The following IL7 variants were observed in gnomAD, a reference collection of about 807,000 sequenced individuals.
IL7 encodes interleukin 7.
Under a neutral mutation model 21.6 loss-of-function variants are expected in IL7, and 3 were observed. The ratio of observed to expected loss-of-function variants is 0.14; its 90% CI spans 0.06 to 0.36. The LOEUF (loss-of-function observed/expected upper bound fraction) is 0.36. Among genes scored for constraint, IL7 ranks in the 10% least tolerant of loss-of-function variants. The pLI, the probability that IL7 is intolerant of heterozygous loss-of-function variation, is 1.00. For missense variants in IL7, 175 were observed against 200.2 expected (o/e 0.87, Z 0.76); for synonymous variants, 62 against 68.1 (o/e 0.91, Z 0.44).
intron 3 of IL7, among the ~76,000 whole-genome samples, chr8:78,697,196 T>C (rs1211776975): frequency 6.6e-6 from 1 of 152,246 alleles, no homozygotes; most frequent in Non-Finnish European, 1.5e-5. Flanking sequence ...CTTTACCATC[T>C]TAATCGTTTT....
chr8:78,692,246 G>GTA (rs1810235248), intron 3 of IL7, among the ~76,000 whole-genome samples: 1 of 152,088 alleles, frequency 6.6e-6, no homozygotes, highest in Admixed American at 6.6e-5. Context: ...CTGCTGCTTA[G>GTA]AGTTCCATTG....
At chr8:78,761,614 T>C in intron 2 of IL7, 2 of 1,611,984 alleles carry the variant, frequency 1.2e-6, no homozygotes, top group Non-Finnish European at 1.7e-6. Flanking sequence ...GCTCTTCCCC[T>C]GCTATGTCCA....
At chr8:78,792,546 A>T (rs1813730508) in intron 2 of IL7, among the ~76,000 whole-genome samples, 1 of 152,164 alleles carries the variant, frequency 6.6e-6, no homozygotes, top group Non-Finnish European at 1.5e-5. Context: ...TCCAGAGCAT[A>T]TAAAGAACTC....
At chr8:78,692,321 C>T (rs1289660759) in intron 3 of IL7, among the ~76,000 whole-genome samples, 1 of 152,114 alleles carries the variant, frequency 6.6e-6, no homozygotes, top group Admixed American at 6.5e-5. Context: ...CTTAATTTCT[C>T]CAATTCCAAT....
At chr8:78,712,390 T>C (rs148921938) in intron 3 of IL7, among the ~76,000 whole-genome samples, 3,259 of 152,046 alleles carry the variant, frequency 0.021, 121 homozygotes, top group African/African-American at 0.068. Context: ...TTTTATGAAG[T>C]TTTTTTTAGT....
rs796939610 is a variant in IL7 at position 78,749,492 on chromosome 8, A to T, written c.148-9410T>A. On this transcript the variant is annotated intron_variant, in intron 2 of 5. Transcript: ENST00000263851. ...AGTTGGAGAGAAAGAGAGGATCCCC[A>T]AATTAGAGAAACAGATAGAACCACA... 1.2e-4 allele frequency among the ~76,000 whole-genome samples: 19 copies of T among 152,290 alleles called. 1 individual carries two copies. Among genetic ancestry groups the T allele is most frequent in the African/African-American group, 4.6e-4 (19 of 41,564 alleles).
At chr8:78,705,973 G>C (rs1260755468) in intron 3 of IL7, among the ~76,000 whole-genome samples, 1 of 152,162 alleles carries the variant, frequency 6.6e-6, no homozygotes, top group Non-Finnish European at 1.5e-5. Flanking sequence ...CCAGTTGTGA[G>C]GTCCTGCTCT....
At chr8:78,741,668 G>A (rs1215070410) in intron 2 of IL7, among the ~76,000 whole-genome samples, 3 of 152,144 alleles carry the variant, frequency 2.0e-5, no homozygotes, top group East Asian at 1.9e-4. Flanking sequence ...GAAAGATAAT[G>A]TTATACCAGT....
chr8:78,692,131 A>G (rs1323640167), intron 3 of IL7, among the ~76,000 whole-genome samples: 1 of 152,202 alleles, frequency 6.6e-6, no homozygotes, highest in South Asian at 2.1e-4. Context: ...ATATCTCAAA[A>G]TAAAAACCAC....
intron 4 of IL7, among the ~76,000 whole-genome samples, chr8:78,685,562 A>G (rs1809942498): frequency 6.6e-6 from 1 of 152,222 alleles, no homozygotes; most frequent in African/African-American, 2.4e-5. Flanking sequence ...CAATTACTAG[A>G]AATTATTACA....
chr8:78,782,660 G>A (rs938525677), intron 2 of IL7, among the ~76,000 whole-genome samples: 11 of 152,064 alleles, frequency 7.2e-5, no homozygotes, highest in African/African-American at 2.7e-4. Context: ...AAGGTATCTG[G>A]TGACCCCTGT....
intron 3 of IL7, among the ~76,000 whole-genome samples, chr8:78,723,296 G>A (rs913184973): frequency 2.0e-5 from 3 of 151,692 alleles, no homozygotes; most frequent in African/African-American, 7.3e-5. Flanking sequence ...AGTGACTATT[G>A]TGTGACACTG....
downstream of IL7, among the ~76,000 whole-genome samples, chr8:78,716,603 T>C (rs1389931040): frequency 6.6e-6 from 1 of 152,210 alleles, no homozygotes; most frequent in Admixed American, 6.5e-5. Flanking sequence ...GATCTCTATC[T>C]TTCCTCATGG....
intron 4 of IL7, among the ~76,000 whole-genome samples, chr8:78,738,069 G>T (rs889729831): frequency 1.3e-5 from 2 of 152,106 alleles, no homozygotes; most frequent in African/African-American, 4.8e-5. Context: ...AGGGAAAATT[G>T]TTGGACATGT....
At chr8:78,791,680 G>T (rs1376765588) in intron 2 of IL7, among the ~76,000 whole-genome samples, 1 of 151,986 alleles carries the variant, frequency 6.6e-6, no homozygotes, top group South Asian at 2.1e-4. Context: ...ATTATCATGT[G>T]CTCTTACCAA....
At chr8:78,705,345 T>C (rs1365241575) in intron 3 of IL7, among the ~76,000 whole-genome samples, 1 of 152,210 alleles carries the variant, frequency 6.6e-6, no homozygotes, top group Non-Finnish European at 1.5e-5. Flanking sequence ...TGCTTGTGTA[T>C]GCTGGGTGTC....
At chr8:78,732,606 T>C (rs1231080082), downstream of IL7, among the ~76,000 whole-genome samples, 1 of 152,164 alleles carries the variant, frequency 6.6e-6, no homozygotes, top group Admixed American at 6.6e-5. Flanking sequence ...CAAGTTTCTT[T>C]TAAAAGACTA....
At chr8:78,745,867 C>G (rs1447417190) in intron 2 of IL7, among the ~76,000 whole-genome samples, 1 of 152,170 alleles carries the variant, frequency 6.6e-6, no homozygotes, top group Non-Finnish European at 1.5e-5. Flanking sequence ...CTTCTGGTGT[C>G]TGCCAGCATT....
At chr8:78,791,277 A>G (rs1469689349) in intron 2 of IL7, among the ~76,000 whole-genome samples, 2 of 152,212 alleles carry the variant, frequency 1.3e-5, no homozygotes, top group Non-Finnish European at 2.9e-5. Flanking sequence ...AAATAAAATT[A>G]TATATCAAAA....
Sources: gnomAD v4.1 joint callset for allele counts (sites outside exome capture counted in the v4.1 genomes callset) on GRCh38, gnomAD v4.1.1 for gene constraint, MANE v1.5 for transcripts, NCBI Gene and HGNC (gene_info 2026-07-23, HGNC 2026-07-21) for gene names.